NHS: variants seen among roughly 807,000 people sequenced by gnomAD.
NHS encodes NHS actin remodeling regulator, also known as actin remodeling regulator NHS.
NHS carries 5 observed loss-of-function variants against 72.5 expected under a neutral mutation model. That is an observed-to-expected ratio of 0.07 (90% CI 0.04 to 0.14). The LOEUF (loss-of-function observed/expected upper bound fraction) is 0.14, where lower values mean the gene tolerates loss of function less well. Among genes scored for constraint, NHS ranks in the 10% least tolerant of loss-of-function variants. The pLI, the probability that NHS is intolerant of heterozygous loss-of-function variation, is 1.00. For synonymous variants in NHS, 464 were observed against 547.7 expected (o/e 0.85, Z 2.13); for missense variants, 1,072 against 1,355.7 (o/e 0.79, Z 3.29).
intron 1 of NHS, chrX:17,635,451 TC>T (rs1280029721): frequency 4.3e-6 from 5 of 1,159,708 alleles, no homozygotes; most frequent in African/African-American, 3.6e-5. Flanking sequence ...TCGCCCTCCA[TC>T]CCCCCCGCCG....
intron 1 of NHS, among the ~76,000 whole-genome samples, chrX:17,469,751 G>A (rs1259664964): frequency 9.0e-6 from 1 of 111,577 alleles, no homozygotes; most frequent in Non-Finnish European, 1.9e-5. Flanking sequence ...AGTGATTCTC[G>A]TGCCTCAGCC....
intron 1 of NHS, among the ~76,000 whole-genome samples, chrX:17,620,233 G>A (rs2065766384): frequency 9.0e-6 from 1 of 111,662 alleles, no homozygotes; most frequent in African/African-American, 3.3e-5. Flanking sequence ...ATCAGAATTA[G>A]AAACAAGGGC....
intron 1 of NHS, among the ~76,000 whole-genome samples, chrX:17,416,400 A>C (rs1189384767): frequency 9.0e-6 from 1 of 111,255 alleles, no homozygotes; most frequent in Non-Finnish European, 1.9e-5. Flanking sequence ...TACCATGTTT[A>C]TTTCACTTCA....
At chrX:17,579,826 C>A (rs1214380509) in intron 1 of NHS, among the ~76,000 whole-genome samples, 1 of 111,140 alleles carries the variant, frequency 9.0e-6, no homozygotes, top group African/African-American at 3.3e-5. Flanking sequence ...TCAACACCCA[C>A]TCCACCCTGC....
At chrX:17,655,318 G>A (rs1412105818) in intron 1 of NHS, among the ~76,000 whole-genome samples, 1 of 112,078 alleles carries the variant, frequency 8.9e-6, no homozygotes, top group Non-Finnish European at 1.9e-5. Context: ...GGTGATGTGC[G>A]GAGCCCGCCG....
At chrX:17,676,583 T>C (rs2066082861) in intron 1 of NHS, among the ~76,000 whole-genome samples, 1 of 112,896 alleles carries the variant, frequency 8.9e-6, no homozygotes, top group Admixed American at 9.4e-5. Flanking sequence ...AAATTCCTTA[T>C]TTCCGATCAG....
rs1241326445 is a variant in NHS, at chrX:17,733,512, TA to T, written c.*1051del. 1 of 112,300 alleles carries T rather than the reference TA, an allele frequency of 8.9e-6. No individual in the cohort carries two copies. Among genetic ancestry groups the T allele is most frequent in the Non-Finnish European group, 1.9e-5 (1 of 53,168 alleles). The allele number at this position is 112,300 out of a possible 1,213,427, so 9.3% of individuals were successfully genotyped here. On this transcript the variant is annotated 3_prime_UTR_variant, in exon 9 of 9. Transcript: ENST00000676302. ...TAATGACTGTAATCATTAAACTCCT[TA>T]AACAGTTTAGAAATTAGCTCCAGGT...
intron 1 of NHS, among the ~76,000 whole-genome samples, chrX:17,447,536 A>G (rs908147773): frequency 9.0e-6 from 1 of 111,245 alleles, no homozygotes; most frequent in Non-Finnish European, 1.9e-5. Context: ...GAGTGTTTAT[A>G]AAACACAGAA....
At position 17,491,701 on chromosome X, in the gene NHS, G is replaced by A. The variant is rs189956175; in HGVS notation, c.565+115379G>A. On this transcript the variant is annotated intron_variant, in intron 1 of 8. Coordinates refer to ENST00000676302, the MANE Select transcript of NHS (RefSeq NM_001291867.2). Reference sequence around the variant, plus strand: ...AATAGTTTCAGAAGGAATGGTACCAGCTCCTCCTTGTATCTCTGGTTGAAT... The same window carrying A: ...AATAGTTTCAGAAGGAATGGTACCAACTCCTCCTTGTATCTCTGGTTGAAT... Among the ~76,000 whole-genome samples the A allele has an allele frequency of 3.2e-3, 345 of 108,819 alleles. 5 individuals are homozygous for A. In the East Asian group the frequency reaches 0.032, roughly 10 times the overall value. 94.5% of individuals were successfully genotyped at this position (108,819 alleles called of 115,157 possible). A position where few individuals can be genotyped will look rare whatever the true frequency, so the allele number is the denominator to read the frequency against.
intron 1 of NHS, among the ~76,000 whole-genome samples, chrX:17,500,828 A>C (rs1163457796): frequency 9.0e-6 from 1 of 111,516 alleles, no homozygotes; most frequent in African/African-American, 3.3e-5. Context: ...AGCTGTGCGA[A>C]CTTTCTTAGT....
intron 1 of NHS, among the ~76,000 whole-genome samples, chrX:17,421,077 T>G (rs1465388660): frequency 9.0e-6 from 1 of 111,070 alleles, no homozygotes; most frequent in African/African-American, 3.3e-5. Flanking sequence ...CTTTTTTTTT[T>G]CAGTAGCAGG....
intron 1 of NHS, among the ~76,000 whole-genome samples, chrX:17,599,734 C>T (rs1198520208): frequency 3.6e-5 from 4 of 111,120 alleles, no homozygotes; most frequent in Non-Finnish European, 5.7e-5. Context: ...AACAGTTTGC[C>T]AGTTACATTA....
chrX:17,719,266 T>G (rs187374166), intron 3 of NHS, 78 bp from the exon 4 acceptor site: 22 of 827,922 alleles, frequency 2.7e-5, no homozygotes, highest in Non-Finnish European at 3.3e-5. Context: ...ATTAATATCA[T>G]AGATTTGGCC....
intron 1 of NHS, chrX:17,687,389 G>C (rs1030310382): frequency 1.6e-5 from 4 of 251,332 alleles, no homozygotes; most frequent in Non-Finnish European, 2.9e-5. Flanking sequence ...ACATTTTTCA[G>C]AAACAGGACC....
chrX:17,675,547 T>A (rs1310564055), intron 1 of NHS, among the ~76,000 whole-genome samples: 1 of 110,707 alleles, frequency 9.0e-6, no homozygotes, highest in Non-Finnish European at 1.9e-5. Flanking sequence ...CTGAGAGGAG[T>A]CAGGGCTTCT....
At chrX:17,687,692 A>T in intron 1 of NHS, 50 bp from the exon 2 acceptor site, 1 of 1,194,955 alleles carries the variant, frequency 8.4e-7, no homozygotes. Flanking sequence ...GTTGGCCAAA[A>T]GCACAACTTA....
chrX:17,678,330 C>G (rs1304156273), intron 1 of NHS, among the ~76,000 whole-genome samples: 1 of 105,619 alleles, frequency 9.5e-6, no homozygotes, highest in African/African-American at 3.5e-5. Flanking sequence ...GAGAATTAGT[C>G]TGTTCTCACA....
chrX:17,393,865 C>G (rs1285569991), intron 1 of NHS, among the ~76,000 whole-genome samples: 1 of 111,600 alleles, frequency 9.0e-6, no homozygotes. Flanking sequence ...CCCAGCTAGA[C>G]AGAACTTTGT....
intron 1 of NHS, among the ~76,000 whole-genome samples, chrX:17,502,657 C>T (rs1333414715): frequency 2.3e-5 from 1 of 43,752 alleles, no homozygotes; most frequent in Non-Finnish European, 5.1e-5. Flanking sequence ...GGCGTGGTGG[C>T]GGGCGCCTGT....
Sources: gnomAD v4.1 joint callset for allele counts (sites outside exome capture counted in the v4.1 genomes callset) on GRCh38, gnomAD v4.1.1 for gene constraint, MANE v1.5 for transcripts, NCBI Gene and HGNC (gene_info 2026-07-23, HGNC 2026-07-21) for gene names.